Variants in CDH12 observed in about 807,000 individuals in gnomAD.
CDH12 encodes the protein cadherin 12.
Under a neutral mutation model 74.1 loss-of-function variants are expected in CDH12, and 41 were observed. That is an observed-to-expected ratio of 0.55 (90% CI 0.43 to 0.72). The LOEUF (loss-of-function observed/expected upper bound fraction) is 0.72, where lower values mean the gene tolerates loss of function less well. CDH12 is among the 30% of genes least tolerant of loss of function. The pLI is 0.00. For synonymous variants in CDH12, 399 were observed against 355.0 expected, an observed-to-expected ratio of 1.12 and a Z score of -1.39; for missense variants, 945 against 977.2, an observed-to-expected ratio of 0.97 and a Z score of 0.44.
chr5:22,598,338 T>C (rs1471219891), intron 1 of CDH12, among the ~76,000 whole-genome samples: 1 of 152,150 alleles, frequency 6.6e-6, no homozygotes, highest in Non-Finnish European at 1.5e-5. Context: ...GATTGGATCA[T>C]GGGGGCAGTT....
At chr5:21,942,632 G>C (rs1330630506) in intron 6 of CDH12, among the ~76,000 whole-genome samples, 1 of 152,024 alleles carries the variant, frequency 6.6e-6, no homozygotes, top group Non-Finnish European at 1.5e-5. Context: ...ATCTGTGTAT[G>C]TGTGTGTGTT....
At position 21,783,389 on chromosome 5, in the gene CDH12, C is replaced by A. The variant is rs1324348982; in HGVS notation, c.1362G>T (p.Gln454His). The A allele has an allele frequency of 6.2e-7, 1 of 1,612,726 alleles. No individual in the cohort carries two copies. The highest frequency in any genetic ancestry group is 1.7e-5 in the Admixed American group (1 of 59,954). Residue 454 changes from glutamine to histidine, a missense_variant, in exon 11 of 15, where the codon CAG becomes CAT. Transcript: ENST00000382254. Reference sequence around the variant, plus strand: ...TACTCGCAATTATGGAGAAATTATACTGCGCAGTGCTTTCTCTGTCTAGTA... The same window carrying A: ...TACTCGCAATTATGGAGAAATTATAATGCGCAGTGCTTTCTCTGTCTAGTA... ...NELLDRESTA[Q>H]YNFSIIASKV...
chr5:22,514,921 C>T (rs953399535), intron 1 of CDH12, among the ~76,000 whole-genome samples: 5 of 152,102 alleles, frequency 3.3e-5, no homozygotes, highest in Admixed American at 6.5e-5. Flanking sequence ...TTATGTTTTA[C>T]TTTAAAAATT....
intron 10 of CDH12, among the ~76,000 whole-genome samples, chr5:21,800,130 CAT>C (rs1023113875): frequency 6.6e-6 from 1 of 152,148 alleles, no homozygotes; most frequent in Non-Finnish European, 1.5e-5. Flanking sequence ...TTTGGAAACA[CAT>C]AATTTATTTG....
At chr5:22,313,318 A>T (rs533350568) in intron 3 of CDH12, among the ~76,000 whole-genome samples, 3 of 152,186 alleles carry the variant, frequency 2.0e-5, no homozygotes, top group Non-Finnish European at 2.9e-5. Flanking sequence ...TTTTAGACTA[A>T]AGTCAAATGA....
intron 3 of CDH12, among the ~76,000 whole-genome samples, chr5:22,330,260 G>A (rs905934178): frequency 1.3e-5 from 2 of 152,062 alleles, no homozygotes; most frequent in East Asian, 1.9e-4. Context: ...TGTGTCAAAA[G>A]GGACCCCACT....
At chr5:21,787,943 T>G (rs6871412) in intron 10 of CDH12, among the ~76,000 whole-genome samples, 103,702 of 152,014 alleles carry the variant, frequency 0.68, 36,382 homozygotes, top group Non-Finnish European at 0.77. Flanking sequence ...CCTAATTTAA[T>G]AAGAAAATTG....
intron 5 of CDH12, among the ~76,000 whole-genome samples, chr5:22,043,583 C>T (rs186013417): frequency 5.3e-5 from 8 of 151,854 alleles, no homozygotes; most frequent in African/African-American, 1.9e-4. Flanking sequence ...GACTGGAAGT[C>T]CTAGCCAGAG....
At chr5:22,217,502 T>C (rs1751847986) in intron 3 of CDH12, among the ~76,000 whole-genome samples, 3 of 151,782 alleles carry the variant, frequency 2.0e-5, no homozygotes, top group Admixed American at 2.0e-4. Flanking sequence ...AGAAAAGAAA[T>C]GGCTTTTGTA....
chr5:21,795,771 A>G (rs1186593778), intron 10 of CDH12, among the ~76,000 whole-genome samples: 1 of 151,960 alleles, frequency 6.6e-6, no homozygotes, highest in African/African-American at 2.4e-5. Flanking sequence ...CTCTCTCCCA[A>G]AGTGTGCTGT....
intron 1 of CDH12, among the ~76,000 whole-genome samples, chr5:22,687,077 C>T (rs764916738): frequency 1.4e-4 from 22 of 152,114 alleles, no homozygotes; most frequent in Middle Eastern, 3.4e-3. Flanking sequence ...GCGTGGATCA[C>T]GACGTCAGAA....
chr5:22,462,329 A>G (rs922772014), intron 2 of CDH12, among the ~76,000 whole-genome samples: 44 of 152,280 alleles, frequency 2.9e-4, no homozygotes, highest in African/African-American at 1.1e-3. Context: ...GGATAGTTAC[A>G]CATAATCAGA....
At chr5:22,375,507 A>C (rs993737271) in intron 3 of CDH12, among the ~76,000 whole-genome samples, 7 of 152,164 alleles carry the variant, frequency 4.6e-5, no homozygotes, top group Non-Finnish European at 1.0e-4. Flanking sequence ...ATGAAGAGAC[A>C]ACCTGTTAAA....
intron 5 of CDH12, among the ~76,000 whole-genome samples, chr5:22,045,649 A>T (rs894416370): frequency 2.1e-4 from 32 of 151,872 alleles, no homozygotes; most frequent in African/African-American, 6.3e-4. Context: ...GACAATATAG[A>T]TAAAGTTGGA....
At chr5:22,348,768 G>A (rs928987536) in intron 3 of CDH12, among the ~76,000 whole-genome samples, 1 of 152,134 alleles carries the variant, frequency 6.6e-6, no homozygotes, top group African/African-American at 2.4e-5. Context: ...AGATATGGAT[G>A]GGATGTCCAT....
chr5:22,414,868 A>G (rs1743314733), intron 2 of CDH12, among the ~76,000 whole-genome samples: 1 of 152,050 alleles, frequency 6.6e-6, no homozygotes, highest in Admixed American at 6.5e-5. Flanking sequence ...AAATAATTTG[A>G]GTTAATTAAA....
chr5:22,471,385 T>C (rs1314938434), intron 2 of CDH12, among the ~76,000 whole-genome samples: 1 of 152,202 alleles, frequency 6.6e-6, no homozygotes, highest in Admixed American at 6.5e-5. Flanking sequence ...TCTGTCCTAC[T>C]CAAACACTCT....
At chr5:22,104,467 C>A (rs1744316842) in intron 4 of CDH12, among the ~76,000 whole-genome samples, 1 of 151,476 alleles carries the variant, frequency 6.6e-6, no homozygotes. Flanking sequence ...AAAAGAAAGA[C>A]CTGAGTGTGA....
intron 3 of CDH12, among the ~76,000 whole-genome samples, chr5:22,283,226 AT>A (rs1207507020): frequency 5.8e-5 from 6 of 102,986 alleles, no homozygotes; most frequent in Admixed American, 1.9e-4. Context: ...AGATATATAT[AT>A]ATATATATAT....
Sources: gnomAD v4.1 joint callset for allele counts (sites outside exome capture counted in the v4.1 genomes callset) on GRCh38, gnomAD v4.1.1 for gene constraint, MANE v1.5 for transcripts, NCBI Gene and HGNC (gene_info 2026-07-23, HGNC 2026-07-21) for gene names.